FANCC: variants seen among roughly 807,000 people sequenced by gnomAD.
FANCC encodes FA complementation group C, also known as Fanconi anemia group C protein.
A neutral mutation model predicts 71.3 loss-of-function variants in FANCC; 55 were observed. The observed-to-expected ratio is 0.77, with a 90% CI of 0.62 to 0.97. The LOEUF (loss-of-function observed/expected upper bound fraction) is 0.97, where lower values mean the gene tolerates loss of function less well. Among genes scored for constraint, FANCC ranks in the 50% least tolerant of loss-of-function variants. The pLI is 0.00. For synonymous variants in FANCC, 275 were observed against 244.9 expected (o/e 1.12, Z -1.15); for missense variants, 678 against 670.9 (o/e 1.01, Z -0.12).
intron 6 of FANCC, 109 bp from the exon 7 acceptor site, chr9:95,150,196 T>C: frequency 8.9e-7 from 1 of 1,120,638 alleles, no homozygotes. Context: ...CTGTTTTGCC[T>C]CTAAATAAAG....
At chr9:95,241,350 A>C (rs1278451564) in intron 3 of FANCC, among the ~76,000 whole-genome samples, 2 of 152,240 alleles carry the variant, frequency 1.3e-5, no homozygotes, top group Non-Finnish European at 2.9e-5. Flanking sequence ...CTTTTACTCT[A>C]AAATGTAAAT....
rs559405001 is a variant in FANCC at position 95,101,185 on chromosome 9, C to T, written c.*522G>A. Reference sequence around the variant, plus strand: ...CCTGTCAGGCAGGTCCAGGGAGACACAAGGGAAGCCTGAGGGACCCTGACT... The same window carrying T: ...CCTGTCAGGCAGGTCCAGGGAGACATAAGGGAAGCCTGAGGGACCCTGACT... On this transcript the variant is annotated 3_prime_UTR_variant, in exon 15 of 15. Transcript: ENST00000289081. 18 of 253,292 alleles carry T rather than the reference C, an allele frequency of 7.1e-5. No homozygotes were observed. Among genetic ancestry groups the T allele is most frequent in the South Asian group, 3.8e-4 (3 of 7,994 alleles). The allele number at this position is 253,292 out of a possible 1,614,324, so 15.7% of individuals were successfully genotyped here.
At chr9:95,172,213 T>A (rs1825732677) in intron 4 of FANCC, 66 bp from the exon 5 acceptor site, 1 of 995,952 alleles carries the variant, frequency 1.0e-6, no homozygotes, top group African/African-American at 1.6e-5. Context: ...TTATGTACAA[T>A]GCCTACAATT....
intron 4 of FANCC, among the ~76,000 whole-genome samples, chr9:95,235,195 C>G (rs1161812861): frequency 6.6e-6 from 1 of 151,846 alleles, no homozygotes; most frequent in Non-Finnish European, 1.5e-5. Context: ...GGTGGCACCA[C>G]AGATCAGTGG....
At chr9:95,260,585 A>G (rs1476285798) in intron 1 of FANCC, among the ~76,000 whole-genome samples, 3 of 150,952 alleles carry the variant, frequency 2.0e-5, no homozygotes, top group Non-Finnish European at 4.4e-5. Flanking sequence ...GAAATACCTA[A>G]TGTAGATGAC....
intron 4 of FANCC, among the ~76,000 whole-genome samples, chr9:95,189,508 G>T (rs1341856444): frequency 6.9e-6 from 1 of 145,610 alleles, no homozygotes; most frequent in African/African-American, 2.6e-5. Context: ...AGAACCTCTT[G>T]CTTGCTCGCT....
chr9:95,315,907 G>T (rs934804030), intron 1 of FANCC, among the ~76,000 whole-genome samples: 1 of 152,184 alleles, frequency 6.6e-6, no homozygotes, highest in African/African-American at 2.4e-5. Flanking sequence ...CTGGTTAAAA[G>T]TACCATTTGT....
At chr9:95,224,942 T>G (rs796743984) in intron 4 of FANCC, among the ~76,000 whole-genome samples, 63 of 152,324 alleles carry the variant, frequency 4.1e-4, no homozygotes, top group African/African-American at 1.5e-3. Flanking sequence ...TTAAAAGACC[T>G]GGAAATCATG....
chr9:95,311,475 A>G (rs930013869), intron 1 of FANCC, among the ~76,000 whole-genome samples: 11 of 152,198 alleles, frequency 7.2e-5, no homozygotes, highest in South Asian at 2.1e-4. Context: ...AAAAGAAGCA[A>G]AAGTGTCTGG....
At chr9:95,209,347 C>A (rs1449918631) in intron 4 of FANCC, among the ~76,000 whole-genome samples, 1 of 152,110 alleles carries the variant, frequency 6.6e-6, no homozygotes, top group African/African-American at 2.4e-5. Flanking sequence ...ATGTACACTA[C>A]CCAGAGTGAG....
chr9:95,136,421 C>T (rs1297943991), intron 7 of FANCC, among the ~76,000 whole-genome samples: 5 of 151,878 alleles, frequency 3.3e-5, no homozygotes, highest in Admixed American at 6.6e-5. Flanking sequence ...GTAGTTATGG[C>T]CTAGTTGATG....
intron 1 of FANCC, among the ~76,000 whole-genome samples, chr9:95,309,232 A>G (rs1049913791): frequency 2.0e-5 from 3 of 152,186 alleles, no homozygotes; most frequent in African/African-American, 7.2e-5. Context: ...TTCTAATGGT[A>G]CTAGTCAGTA....
chr9:95,304,739 G>C (rs1834970523), intron 1 of FANCC, among the ~76,000 whole-genome samples: 1 of 97,240 alleles, frequency 1.0e-5, no homozygotes, highest in Non-Finnish European at 1.8e-5. Flanking sequence ...AACAGAGCAA[G>C]ACTCTATCTC....
chr9:95,107,751 T>C (rs1339847901), intron 13 of FANCC, among the ~76,000 whole-genome samples: 2 of 152,084 alleles, frequency 1.3e-5, no homozygotes, highest in Non-Finnish European at 2.9e-5. Flanking sequence ...CACACACACA[T>C]GCACGCACGT....
intron 8 of FANCC, among the ~76,000 whole-genome samples, chr9:95,130,605 T>C (rs909065406): frequency 6.6e-6 from 1 of 152,226 alleles, no homozygotes; most frequent in Non-Finnish European, 1.5e-5. Context: ...AAATATTTAC[T>C]TAGGAAATGG....
intron 1 of FANCC, among the ~76,000 whole-genome samples, chr9:95,290,228 C>T (rs1833925123): frequency 6.6e-6 from 1 of 152,156 alleles, no homozygotes. Flanking sequence ...CCATGCAAAT[C>T]CATCCTTTGG....
At chr9:95,147,541 G>A (rs1197494728) in intron 7 of FANCC, among the ~76,000 whole-genome samples, 3 of 152,104 alleles carry the variant, frequency 2.0e-5, no homozygotes, top group African/African-American at 7.2e-5. Context: ...AAGAAAAGAT[G>A]AAACTGACAC....
chr9:95,219,534 C>G (rs1829097466), intron 4 of FANCC, among the ~76,000 whole-genome samples: 2 of 151,922 alleles, frequency 1.3e-5, no homozygotes, highest in African/African-American at 4.8e-5. Flanking sequence ...GGAAACATGG[C>G]CCCTTCAAAG....
chr9:95,144,983 A>C (rs965857177), intron 7 of FANCC, among the ~76,000 whole-genome samples: 1 of 152,154 alleles, frequency 6.6e-6, no homozygotes, highest in Non-Finnish European at 1.5e-5. Flanking sequence ...AGGTAGAAAA[A>C]AGGCCATTTT....
Sources: allele counts gnomAD v4.1 joint callset (sites outside exome capture counted in the v4.1 genomes callset), GRCh38; gene constraint gnomAD v4.1.1; transcripts MANE v1.5; gene names NCBI Gene and HGNC (gene_info 2026-07-23, HGNC 2026-07-21).